The following EPB42 variants were observed in gnomAD, a reference collection of about 807,000 sequenced individuals.
The protein encoded by EPB42 is protein 4.2.
A neutral mutation model predicts 76.9 loss-of-function variants in EPB42; 49 were observed. The ratio of observed to expected loss-of-function variants is 0.64; its 90% CI spans 0.51 to 0.81. The LOEUF is 0.81. EPB42 is among the 30% of genes least tolerant of loss of function. The pLI is 0.00. For missense variants in EPB42, 731 were observed against 867.6 expected (o/e 0.84, Z 1.98); for synonymous variants, 310 against 338.4 (o/e 0.92, Z 0.92).
In EPB42 at chr15:43,208,290, A is replaced by G. The variant is rs770702503; in HGVS notation, c.1015T>C (p.Leu339=). ...STECWMTRPA[L]PQGYDGWQIL... ...TGCCATCCATCATAACCCTGGGGCA[A>G]GGCAGGCCGCGTCATCCAGCACTCT... Residue 339 remains leucine, a synonymous_variant, in exon 8 of 13, where the codon TTG becomes CTG. Transcript: ENST00000441366. 3.1e-6 allele frequency: 5 copies of G among 1,614,136 alleles called. No homozygotes were observed. In the East Asian group the frequency reaches 1.1e-4, roughly 36 times the overall value.
intron 1 of EPB42, 166 bp downstream of exon 1, chr15:43,220,650 C>CT (rs904905964): frequency 1.9e-5 from 5 of 263,236 alleles, no homozygotes; most frequent in Non-Finnish European, 2.8e-5. Flanking sequence ...ACCTACCACA[C>CT]CCCCCCCCCA....
In EPB42 at chr15:43,203,137, C is replaced by T. The variant is rs1053809121; in HGVS notation, c.1757G>A (p.Cys586Tyr). The stretch of plus-strand genomic sequence containing the variant: ...TACCTTGATGGCAAGGTGTGGTCTA[C>T]AAATGGCAATGTCTTCCTGAGCAAA... ...SCFAQEDIAI[C>Y]RPHLAIKMPE... The change falls in exon 11 of 13, where the codon TGT becomes TAT. Residue 586 changes from cysteine (C) to tyrosine (Y), a missense_variant. Transcript: ENST00000441366. The T allele has an allele frequency of 6.2e-7, 1 of 1,613,882 alleles. No individual in the cohort carries two copies. The highest frequency in any genetic ancestry group is 8.5e-7 in the Non-Finnish European group (1 of 1,180,014).
At chr15:43,215,017 G>A in intron 3 of EPB42, 78 bp downstream of exon 3, 3 of 1,258,358 alleles carry the variant, frequency 2.4e-6, no homozygotes, top group Non-Finnish European at 3.4e-6. Context: ...TGGTGCAGGT[G>A]CTCCCTGCCA....
chr15:43,220,637 CCCACCTACCACACCCCCCCCCCACAG>C, intron 1 of EPB42, 153 bp downstream of exon 1: 3 of 1,182,936 alleles, frequency 2.5e-6, no homozygotes, highest in Non-Finnish European at 3.6e-6. Context: ...TCTACCAGCA[CCCACCTACCACACCCCCCCCCCACAG>C]CCACCTCATT....
At chr15:43,204,427 C>G (rs146523600) in intron 10 of EPB42, among the ~76,000 whole-genome samples, 16 of 152,206 alleles carry the variant, frequency 1.1e-4, no homozygotes, top group Admixed American at 2.0e-4. Flanking sequence ...TCTTTGTTGG[C>G]CCCCCTGTGC....
chr15:43,203,333 C>G (rs2042155681), intron 10 of EPB42, 58 bp from the exon 11 acceptor site: 1 of 1,603,900 alleles, frequency 6.2e-7, no homozygotes, highest in Non-Finnish European at 8.5e-7. Flanking sequence ...CAGAAACAGC[C>G]ATAGTTACAC....
upstream of EPB42, among the ~76,000 whole-genome samples, chr15:43,223,099 C>T (rs1204146393): frequency 3.9e-5 from 6 of 152,092 alleles, no homozygotes; most frequent in African/African-American, 7.2e-5. Context: ...GGGTGGATCA[C>T]GAGGTCAGGA....
Position 43,216,344 on chromosome 15 carries a change from G to A in EPB42, c.120C>T (p.Thr40=), listed in dbSNP as rs917149622. Residue 40 remains threonine (T), a synonymous_variant, in exon 2 of 13, where the codon ACC becomes ACT. Coordinates refer to ENST00000441366, the MANE Select transcript of EPB42 (RefSeq NM_001114134.2). ...CTGGAGCGCGGAAGTACAGGATGAT[G>A]GTGAAGGGCTGCCCCCTCCTCACAA... The part of the protein sequence containing the change: ...RLFVRRGQPF[T]IILYFRAPVR... The A allele has an allele frequency of 1.9e-6, 3 of 1,614,100 alleles. No individual in the cohort carries two copies. Among genetic ancestry groups the A allele is most frequent in the African/African-American group, 1.3e-5 (1 of 74,932 alleles).
intron 10 of EPB42, among the ~76,000 whole-genome samples, chr15:43,203,796 G>A (rs1249691654): frequency 6.6e-6 from 1 of 152,020 alleles, no homozygotes; most frequent in Non-Finnish European, 1.5e-5. Context: ...GACCCTCTCT[G>A]TGTCTCATCT....
chr15:43,221,883 C>T (rs1210866728), upstream of EPB42, among the ~76,000 whole-genome samples: 3 of 151,024 alleles, frequency 2.0e-5, no homozygotes, highest in Non-Finnish European at 1.5e-5. Context: ...TGGCTCATGC[C>T]TGTAATCCCA....
At chr15:43,203,498 T>C (rs1163614623) in intron 10 of EPB42, among the ~76,000 whole-genome samples, 1 of 152,156 alleles carries the variant, frequency 6.6e-6, no homozygotes, top group Non-Finnish European at 1.5e-5. Flanking sequence ...CTCAGTGGGG[T>C]TGGGAAAGGG....
Position 43,206,202 on chromosome 15 carries a change from G to C in EPB42, c.1618+128C>G. On this transcript the variant is annotated intron_variant, in intron 10 of 12. Coordinates refer to ENST00000441366, the MANE Select transcript of EPB42 (RefSeq NM_001114134.2). This position sits in a 1 kb window ranked among gnomAD's most constrained non-coding sequence, Gnocchi z 4.7. Reference sequence around the variant, plus strand: ...TGAATGAATGAGAGAGAACATGAGAGTGAGCAGCAGGGGCTCAAAGCCATC... The same window carrying C: ...TGAATGAATGAGAGAGAACATGAGACTGAGCAGCAGGGGCTCAAAGCCATC... 1.0e-6 allele frequency: 1 copy of C among 956,062 alleles called. No homozygotes were observed. The highest frequency in any genetic ancestry group is 1.8e-5 in the South Asian group (1 of 54,350). The allele number at this position is 956,062 out of a possible 1,614,324, so 59.2% of individuals were successfully genotyped here. A position where few individuals can be genotyped will look rare whatever the true frequency, so the allele number is the denominator to read the frequency against.
At chr15:43,205,449 G>C (rs1265402544) in intron 10 of EPB42, among the ~76,000 whole-genome samples, 2 of 152,106 alleles carry the variant, frequency 1.3e-5, no homozygotes, top group Non-Finnish European at 2.9e-5. Context: ...ACCCAGGCTG[G>C]AGTGCAGTGG....
chr15:43,201,763 AAGAG>A lies in EPB42; in HGVS notation c.1913+77_1913+80del. The A allele has an allele frequency of 1.9e-6, 3 of 1,598,126 alleles. No homozygotes were observed. In the East Asian group the frequency reaches 6.7e-5, roughly 36 times the overall value. ...ATCTGCTGTCTGCATGGACATGGCA[AAGAG>A]AGAGTTTCTCTCTTGGGCCCTGCCT... On this transcript the variant is annotated intron_variant, in intron 12 of 12. Transcript: ENST00000441366.
In EPB42 at chr15:43,207,254, C is replaced by T; in HGVS notation, c.1263G>A (p.Lys421=). 1 of 1,614,134 alleles carries T rather than the reference C, an allele frequency of 6.2e-7. No individual in the cohort carries two copies. ...CCTCGCAGCGGTCACTGCCCACACC[C>T]TTGGTGCTGATGTTGTTGCCAACAT... ...TKYVGNNIST[K]GVGSDRCEDI... The change falls in exon 9 of 13, where the codon AAG becomes AAA. Residue 421 remains lysine (K), a synonymous_variant. Transcript: ENST00000441366.
chr15:43,210,427 C>T lies in EPB42; in HGVS notation c.562G>A (p.Val188Ile), dbSNP rs1160654512. The change falls in exon 5 of 13, where the codon GTC (valine) becomes ATC (isoleucine). Residue 188 changes from valine (V) to isoleucine (I), a missense_variant. Val to Ile is a conservative substitution (Grantham distance 29). Coordinates refer to ENST00000441366, the MANE Select transcript of EPB42 (RefSeq NM_001114134.2). Reference sequence around the variant, plus strand: ...AGCAAGCGCAGGCTGAGGTCAATGACATCCCCCTCGAACTGTTAAGGATCA... The same window carrying T: ...AGCAAGCGCAGGCTGAGGTCAATGATATCCCCCTCGAACTGTTAAGGATCA... Reference protein sequence around the residue: ...SWDFGQFEGDVIDLSLRLLSK... With the variant: ...SWDFGQFEGDIIDLSLRLLSK... 6.2e-7 allele frequency: 1 copy of T among 1,613,770 alleles called. No homozygotes were observed. The highest frequency in any genetic ancestry group is 8.5e-7 in the Non-Finnish European group (1 of 1,179,936).
chr15:43,213,538 G>A (rs1225683479), intron 3 of EPB42, among the ~76,000 whole-genome samples: 2 of 152,222 alleles, frequency 1.3e-5, no homozygotes, highest in African/African-American at 4.8e-5. Context: ...GGAGTCAAGA[G>A]TGTGGGCACC....
chr15:43,215,299 G>C lies in EPB42; in HGVS notation c.226C>G (p.Gln76Glu), dbSNP rs2042360953. Residue 76 changes from glutamine (Q) to glutamate (E), a missense_variant, in exon 3 of 13, where the codon CAA (glutamine) becomes GAA (glutamate). Transcript: ENST00000441366. ...GEQPSKINRTQATFPISSLGD... is the reference protein window; with the variant it reads ...GEQPSKINRTEATFPISSLGD... Reference sequence around the variant, plus strand: ...AGACTGGAAATTGGGAATGTGGCTTGGGTCCTGTTGATCTTGGAAGGCTGC... The same window carrying C: ...AGACTGGAAATTGGGAATGTGGCTTCGGTCCTGTTGATCTTGGAAGGCTGC... 6.2e-7 allele frequency: 1 copy of C among 1,614,122 alleles called. No homozygotes were observed. Among genetic ancestry groups the C allele is most frequent in the Admixed American group, 1.7e-5 (1 of 60,016 alleles).
chr15:43,218,371 A>G (rs1468013134), intron 1 of EPB42, among the ~76,000 whole-genome samples: 1 of 151,942 alleles, frequency 6.6e-6, no homozygotes, highest in African/African-American at 2.4e-5. Flanking sequence ...GGCTCCCACC[A>G]TCTCTTCTCT....
Sources: gnomAD v4.1 joint callset for allele counts (sites outside exome capture counted in the v4.1 genomes callset) on GRCh38, gnomAD v4.1.1 for gene constraint, Gnocchi (gnomAD v3.1) non-coding constraint, MANE v1.5 for transcripts, NCBI Gene and HGNC (gene_info 2026-07-23, HGNC 2026-07-21) for gene names.